The following MAGI2 variants were observed in gnomAD, a reference collection of about 807,000 sequenced individuals.
MAGI2 encodes membrane associated guanylate kinase, WW and PDZ domain containing 2.
In MAGI2, 35 loss-of-function variants were observed where a neutral mutation model predicts 133.3. That is an observed-to-expected ratio of 0.26 (90% CI 0.20 to 0.35). The LOEUF (loss-of-function observed/expected upper bound fraction) is 0.35. MAGI2 is among the 10% of genes least tolerant of loss of function. The pLI, the probability that MAGI2 is intolerant of heterozygous loss-of-function variation, is 1.00. For missense variants in MAGI2, 1,636 were observed against 1,863.4 expected, an observed-to-expected ratio of 0.88 and a Z score of 2.25; for synonymous variants, 729 against 710.6, an observed-to-expected ratio of 1.03 and a Z score of -0.41.
intron 1 of MAGI2, among the ~76,000 whole-genome samples, chr7:79,260,473 A>G (rs571675078): frequency 4.6e-5 from 7 of 152,324 alleles, no homozygotes; most frequent in African/African-American, 1.7e-4. Context: ...GAGCTATAAG[A>G]AGATAGGAAT....
At chr7:78,594,257 C>G (rs140270490) in intron 3 of MAGI2, among the ~76,000 whole-genome samples, 35 of 152,290 alleles carry the variant, frequency 2.3e-4, no homozygotes, top group Non-Finnish European at 4.9e-4. Flanking sequence ...AATTCCTATT[C>G]TCTGCTACTG....
intron 1 of MAGI2, among the ~76,000 whole-genome samples, chr7:79,323,042 T>C (rs1296206549): frequency 6.6e-6 from 1 of 152,080 alleles, no homozygotes; most frequent in East Asian, 1.9e-4. Flanking sequence ...CTCACTATGT[T>C]GTACATGCTA....
In MAGI2 at chr7:78,523,179, G is replaced by T. The variant is rs76933803; in HGVS notation, c.539-1534C>A. On this transcript the variant is annotated intron_variant, in intron 3 of 21. Transcript: ENST00000354212. ...GGCTTTTTTATATAACTACAAGCAA[G>T]TTACTTAACCTCTGTAAGGCTCAAT... Among the ~76,000 whole-genome samples the T allele has an allele frequency of 9.9e-3, 1,507 of 152,260 alleles. 32 individuals carry two copies. The highest frequency in any genetic ancestry group is 0.034 in the African/African-American group (1,405 of 41,526).
At chr7:78,763,663 GAC>G (rs1461810744) in intron 2 of MAGI2, among the ~76,000 whole-genome samples, 5 of 152,096 alleles carry the variant, frequency 3.3e-5, no homozygotes, top group Admixed American at 6.5e-5. Flanking sequence ...CCGCTCTTTA[GAC>G]AGACATATGC....
chr7:78,915,760 G>C (rs28463354), intron 2 of MAGI2, among the ~76,000 whole-genome samples: 4,914 of 151,096 alleles, frequency 0.033, 250 homozygotes, highest in African/African-American at 0.11. Flanking sequence ...GTGCACCATA[G>C]GTAGTATGGT....
intron 3 of MAGI2, among the ~76,000 whole-genome samples, chr7:78,565,161 G>A (rs1267804651): frequency 1.3e-5 from 2 of 151,036 alleles, no homozygotes; most frequent in African/African-American, 4.9e-5. Flanking sequence ...TGATATAATG[G>A]TTAAATTTTA....
chr7:78,602,482 T>C (rs1233402485), intron 3 of MAGI2, among the ~76,000 whole-genome samples: 1 of 151,562 alleles, frequency 6.6e-6, no homozygotes, highest in African/African-American at 2.4e-5. Context: ...TTTTTCTTCT[T>C]TCAGAAGATT....
intron 2 of MAGI2, among the ~76,000 whole-genome samples, chr7:78,853,744 C>T (rs1793379556): frequency 6.6e-6 from 1 of 152,020 alleles, no homozygotes; most frequent in African/African-American, 2.4e-5. Flanking sequence ...AAAAAGTTTA[C>T]ATTAGTCGTC....
At chr7:78,691,901 A>T (rs1411934696) in intron 2 of MAGI2, among the ~76,000 whole-genome samples, 1 of 152,146 alleles carries the variant, frequency 6.6e-6, no homozygotes, top group East Asian at 1.9e-4. Flanking sequence ...TTTACTATGG[A>T]CTTTAAGTGA....
intron 3 of MAGI2, among the ~76,000 whole-genome samples, chr7:78,566,641 GT>G (rs1426081288): frequency 6.6e-6 from 1 of 151,842 alleles, no homozygotes; most frequent in African/African-American, 2.4e-5. Flanking sequence ...CAAGCTATGT[GT>G]AGTAAAATCT....
At chr7:78,556,239 G>T (rs1235597910) in intron 3 of MAGI2, among the ~76,000 whole-genome samples, 1 of 152,152 alleles carries the variant, frequency 6.6e-6, no homozygotes, top group Non-Finnish European at 1.5e-5. Context: ...ACTTACAGGG[G>T]TCAACTTATG....
At chr7:79,151,917 C>G (rs899883941) in intron 1 of MAGI2, among the ~76,000 whole-genome samples, 5 of 152,128 alleles carry the variant, frequency 3.3e-5, no homozygotes, top group Non-Finnish European at 4.4e-5. Flanking sequence ...TATGGTGTGA[C>G]AGTAGATTGT....
intron 2 of MAGI2, among the ~76,000 whole-genome samples, chr7:78,668,924 C>T (rs1023413855): frequency 1.3e-4 from 20 of 151,784 alleles, no homozygotes; most frequent in Admixed American, 3.3e-4. Context: ...CAAAGCAGTG[C>T]GCAGAGGGAA....
chr7:78,760,763 G>C (rs1824430061), intron 2 of MAGI2, among the ~76,000 whole-genome samples: 1 of 152,118 alleles, frequency 6.6e-6, no homozygotes, highest in Non-Finnish European at 1.5e-5. Flanking sequence ...AGAAACATAA[G>C]GTATTCATTA....
At chr7:78,534,172 A>G (rs1421888395) in intron 3 of MAGI2, among the ~76,000 whole-genome samples, 2 of 152,188 alleles carry the variant, frequency 1.3e-5, no homozygotes, top group African/African-American at 4.8e-5. Flanking sequence ...TCACACAAAT[A>G]CAAAATTATA....
chr7:78,551,291 C>G (rs1469720182), intron 3 of MAGI2, among the ~76,000 whole-genome samples: 1 of 152,196 alleles, frequency 6.6e-6, no homozygotes, highest in Non-Finnish European at 1.5e-5. Context: ...ATTGGGAACA[C>G]TCTCAAATTT....
chr7:78,676,008 T>C (rs1447344542), intron 2 of MAGI2, among the ~76,000 whole-genome samples: 1 of 152,186 alleles, frequency 6.6e-6, no homozygotes, highest in Non-Finnish European at 1.5e-5. Context: ...GTTAAAAGGA[T>C]ATTGTTTTCA....
In MAGI2 at chr7:78,451,536, C is replaced by T. The variant is rs192181405; in HGVS notation, c.1045+38225G>A. Reference sequence around the variant, plus strand: ...TGGTTGGGAGACCAGAGGCTGGTGCCTGCCTCTTTGGATTTGAATCCTGAC... The same window carrying T: ...TGGTTGGGAGACCAGAGGCTGGTGCTTGCCTCTTTGGATTTGAATCCTGAC... On this transcript the variant is annotated intron_variant, in intron 6 of 21. Coordinates refer to ENST00000354212, the MANE Select transcript of MAGI2 (RefSeq NM_012301.4). 5.4e-3 allele frequency among the ~76,000 whole-genome samples: 820 copies of T among 152,128 alleles called. 6 individuals are homozygous for T. Among genetic ancestry groups the T allele is most frequent in the Admixed American group, 7.3e-3 (111 of 15,264 alleles).
chr7:78,498,821 C>T (rs1584405524), intron 5 of MAGI2, among the ~76,000 whole-genome samples: 2 of 152,100 alleles, frequency 1.3e-5, no homozygotes, highest in South Asian at 2.1e-4. Context: ...TAGCAGGCGT[C>T]GTAGACTACC....
Sources: gnomAD v4.1 joint callset for allele counts (sites outside exome capture counted in the v4.1 genomes callset) on GRCh38, gnomAD v4.1.1 for gene constraint, MANE v1.5 for transcripts, NCBI Gene and HGNC (gene_info 2026-07-23, HGNC 2026-07-21) for gene names.